Variants in NALF1 observed in about 807,000 individuals in gnomAD.
The protein encoded by NALF1 is NALCN channel auxiliary factor 1.
In NALF1, 3 loss-of-function variants were observed where a neutral mutation model predicts 48.4. The observed-to-expected ratio is 0.06, with a 90% CI of 0.03 to 0.16. The LOEUF (loss-of-function observed/expected upper bound fraction) is 0.16. Among genes scored for constraint, NALF1 ranks in the 10% least tolerant of loss-of-function variants. NALF1 has a pLI of 1.00. For synonymous variants in NALF1, 262 were observed against 245.7 expected (o/e 1.07, Z -0.62); for missense variants, 526 against 571.5 (o/e 0.92, Z 0.81).
intron 1 of NALF1, among the ~76,000 whole-genome samples, chr13:107,773,879 A>C (rs545443985): frequency 6.6e-6 from 1 of 152,228 alleles, no homozygotes; most frequent in African/African-American, 2.4e-5. Flanking sequence ...AAAGTATAAT[A>C]ATAATAAAAA....
chr13:107,326,303 T>A (rs1286166982), intron 1 of NALF1, among the ~76,000 whole-genome samples: 1 of 152,076 alleles, frequency 6.6e-6, no homozygotes, highest in Non-Finnish European at 1.5e-5. Flanking sequence ...TAAATGAGAA[T>A]GTTGAAGCAT....
chr13:107,847,362 A>G (rs1349277750), intron 1 of NALF1, among the ~76,000 whole-genome samples: 7 of 152,244 alleles, frequency 4.6e-5, no homozygotes, highest in Admixed American at 4.6e-4. Flanking sequence ...ACGGATGTGC[A>G]AACAGTCTTT....
chr13:107,422,453 G>A (rs1884204884), intron 1 of NALF1, among the ~76,000 whole-genome samples: 1 of 151,000 alleles, frequency 6.6e-6, no homozygotes, highest in South Asian at 2.1e-4. Flanking sequence ...ACTACTGCAT[G>A]AATAATAATA....
intron 1 of NALF1, among the ~76,000 whole-genome samples, chr13:107,496,111 A>T (rs1418966324): frequency 2.6e-5 from 4 of 152,146 alleles, no homozygotes; most frequent in Admixed American, 2.6e-4. Flanking sequence ...GTTCTTTCTC[A>T]ATTTCTTTAT....
Position 107,302,471 on chromosome 13 carries a change from AT to A in NALF1, c.916-91717del, listed in dbSNP as rs546413942. ...TTTCTCTTCCATGTTTGCTTGAAGA[AT>A]TTGCTGAATTATAAGCTGTGATGCA... On this transcript the variant is annotated intron_variant, in intron 1 of 2. Transcript: ENST00000375915. Among the ~76,000 whole-genome samples the A allele has an allele frequency of 3.1e-4, 47 of 152,216 alleles. 1 individual carries two copies. The South Asian group carries it at 9.8e-3, about 32-fold the overall frequency.
chr13:107,344,915 T>G (rs964394354), intron 1 of NALF1, among the ~76,000 whole-genome samples: 7 of 152,122 alleles, frequency 4.6e-5, no homozygotes, highest in African/African-American at 1.7e-4. Flanking sequence ...TGAGATAAAC[T>G]TACACATAAA....
chr13:107,612,500 G>A (rs1172446773), intron 1 of NALF1, among the ~76,000 whole-genome samples: 2 of 152,102 alleles, frequency 1.3e-5, no homozygotes, highest in Non-Finnish European at 2.9e-5. Context: ...TAGTGTTTCT[G>A]GATGAGACTA....
intron 1 of NALF1, among the ~76,000 whole-genome samples, chr13:107,262,228 A>G (rs1880941089): frequency 6.6e-6 from 1 of 152,098 alleles, no homozygotes; most frequent in Non-Finnish European, 1.5e-5. Context: ...CAGCCTGGCC[A>G]ACATAGTGAA....
Position 107,531,402 on chromosome 13 carries a change from C to G in NALF1, c.916-320647G>C, listed in dbSNP as rs553235549. 2.0e-5 allele frequency among the ~76,000 whole-genome samples: 3 copies of G among 152,186 alleles called. No homozygotes were observed. The East Asian group carries it at 5.8e-4, about 30-fold the overall frequency. On this transcript the variant is annotated intron_variant, in intron 1 of 2. Transcript: ENST00000375915. Reference sequence around the variant, plus strand: ...CGTGACAAAGACTGTTCCTTCTTCACCTTTCACCATGATTGTAAGCTCCTG... The same window carrying G: ...CGTGACAAAGACTGTTCCTTCTTCAGCTTTCACCATGATTGTAAGCTCCTG...
intron 2 of NALF1, among the ~76,000 whole-genome samples, chr13:107,200,179 G>A (rs552769883): frequency 6.6e-6 from 1 of 152,202 alleles, no homozygotes. Context: ...AGCACAGGGT[G>A]CTCTGGGCAC....
intron 1 of NALF1, among the ~76,000 whole-genome samples, chr13:107,805,468 T>A (rs1375000487): frequency 6.6e-6 from 1 of 152,142 alleles, no homozygotes; most frequent in Non-Finnish European, 1.5e-5. Context: ...TACTCCTTAA[T>A]AATTGGAAAA....
chr13:107,177,459 C>T (rs1878961883), intron 2 of NALF1, among the ~76,000 whole-genome samples: 1 of 152,104 alleles, frequency 6.6e-6, no homozygotes. Flanking sequence ...GCAAAAAGAA[C>T]AAAACTAGAG....
chr13:107,687,855 T>C (rs1881474000), intron 1 of NALF1, among the ~76,000 whole-genome samples: 2 of 152,234 alleles, frequency 1.3e-5, no homozygotes, highest in Admixed American at 6.5e-5. Context: ...ATGGCTGCCA[T>C]GGACACAGAG....
intron 1 of NALF1, among the ~76,000 whole-genome samples, chr13:107,834,520 G>T (rs566705293): frequency 1.6e-4 from 25 of 152,268 alleles, no homozygotes; most frequent in African/African-American, 6.0e-4. Flanking sequence ...AACAAGGTTG[G>T]CAATTAATGA....
chr13:107,426,297 T>G (rs1231874833), intron 1 of NALF1, among the ~76,000 whole-genome samples: 1 of 152,206 alleles, frequency 6.6e-6, no homozygotes, highest in Non-Finnish European at 1.5e-5. Context: ...GAGGTTTCTT[T>G]CCCTGTGTGT....
intron 1 of NALF1, among the ~76,000 whole-genome samples, chr13:107,438,275 A>G (rs1205565495): frequency 6.6e-6 from 1 of 152,230 alleles, no homozygotes; most frequent in Non-Finnish European, 1.5e-5. Context: ...TAGATATCCT[A>G]GTTTGAAGAG....
At chr13:107,392,353 C>G (rs572537143) in intron 1 of NALF1, among the ~76,000 whole-genome samples, 2 of 152,128 alleles carry the variant, frequency 1.3e-5, no homozygotes, top group Admixed American at 6.6e-5. Context: ...TCCCAGGAAA[C>G]AGGAAGCTCC....
At chr13:107,721,241 T>A (rs889453839) in intron 1 of NALF1, among the ~76,000 whole-genome samples, 2 of 151,722 alleles carry the variant, frequency 1.3e-5, no homozygotes, top group Non-Finnish European at 2.9e-5. Flanking sequence ...TTGTATGAAA[T>A]GAAGTTAATA....
At chr13:107,172,167 C>T (rs372079843) in intron 2 of NALF1, among the ~76,000 whole-genome samples, 26 of 152,330 alleles carry the variant, frequency 1.7e-4, no homozygotes, top group Admixed American at 3.3e-4. Context: ...TCTCATTTAT[C>T]CTTCAAATGC....
Sources: allele counts gnomAD v4.1 joint callset (sites outside exome capture counted in the v4.1 genomes callset), GRCh38; gene constraint gnomAD v4.1.1; transcripts MANE v1.5; gene names NCBI Gene and HGNC (gene_info 2026-07-23, HGNC 2026-07-21).